DIAPH3: variants seen among roughly 807,000 people sequenced by gnomAD.
DIAPH3 encodes diaphanous related formin 3, also known as protein diaphanous homolog 3.
In DIAPH3, 117 loss-of-function variants were observed where a neutral mutation model predicts 144.3. The ratio of observed to expected loss-of-function variants is 0.81; its 90% CI spans 0.70 to 0.95. The LOEUF is 0.95. Among genes scored for constraint, DIAPH3 ranks in the 40% least tolerant of loss-of-function variants. The probability of loss-of-function intolerance (pLI) is 0.00; values close to 1 mark genes in which losing one functional copy is unlikely to be tolerated. For missense variants in DIAPH3, 1,421 were observed against 1,412.7 expected (o/e 1.01, Z -0.09); for synonymous variants, 519 against 488.9 (o/e 1.06, Z -0.81).
intron 25 of DIAPH3, among the ~76,000 whole-genome samples, chr13:59,799,160 G>C (rs2039763867): frequency 6.6e-6 from 1 of 152,090 alleles, no homozygotes; most frequent in East Asian, 1.9e-4. Context: ...AGGCAAACCA[G>C]TGATCACCTT....
intron 17 of DIAPH3, among the ~76,000 whole-genome samples, chr13:59,963,378 A>G (rs2049871586): frequency 6.6e-6 from 1 of 152,198 alleles, no homozygotes; most frequent in Non-Finnish European, 1.5e-5. Flanking sequence ...GATTTTTCTA[A>G]GAATATACTA....
At chr13:60,016,202 T>C (rs2053636617) in intron 5 of DIAPH3, 57 bp from the exon 6 acceptor site, 2 of 1,444,482 alleles carry the variant, frequency 1.4e-6, no homozygotes, top group Non-Finnish European at 1.9e-6. Context: ...TGTGTTATCA[T>C]ATTATATACC....
intron 27 of DIAPH3, among the ~76,000 whole-genome samples, chr13:59,747,771 G>T (rs2036780348): frequency 6.6e-6 from 1 of 152,108 alleles, no homozygotes; most frequent in Non-Finnish European, 1.5e-5. Flanking sequence ...CTCACTTCAG[G>T]AAGTGACTGT....
At chr13:59,871,262 T>A (rs1276335791) in intron 21 of DIAPH3, among the ~76,000 whole-genome samples, 2 of 151,990 alleles carry the variant, frequency 1.3e-5, no homozygotes, top group African/African-American at 4.8e-5. Context: ...GTTTTGTTTA[T>A]TCTGCCCCAA....
chr13:60,008,651 T>C lies in DIAPH3; in HGVS notation c.909-2A>G. The C allele has an allele frequency of 6.2e-7, 1 of 1,600,388 alleles. No individual in the cohort carries two copies. Among genetic ancestry groups the C allele is most frequent in the Non-Finnish European group, 8.6e-7 (1 of 1,167,762 alleles). On this transcript the variant is annotated splice_acceptor_variant, in intron 8 of 27. Transcript: ENST00000400324. LOFTEE classifies it high-confidence loss of function. ...AAAGCTTCTAAAACTTCTTCAAGGC[T>C]ATTGGAAAATTTGAGTCAATTAAAT...
At chr13:60,023,759 A>G (rs530354586) in intron 5 of DIAPH3, among the ~76,000 whole-genome samples, 4 of 137,370 alleles carry the variant, frequency 2.9e-5, no homozygotes, top group African/African-American at 1.1e-4. Context: ...TGACTATGAT[A>G]TGTCTGTGTG....
intron 1 of DIAPH3, among the ~76,000 whole-genome samples, chr13:60,140,552 A>C (rs892638498): frequency 2.0e-5 from 3 of 152,298 alleles, no homozygotes; most frequent in African/African-American, 7.2e-5. Flanking sequence ...TGCATATGTA[A>C]CATAATTCCA....
At chr13:59,930,582 C>T (rs900116058) in intron 17 of DIAPH3, among the ~76,000 whole-genome samples, 1 of 152,090 alleles carries the variant, frequency 6.6e-6, no homozygotes, top group East Asian at 1.9e-4. Context: ...ATAATAAGAA[C>T]AGAAAATATT....
At chr13:59,885,651 T>G (rs1214481968) in intron 20 of DIAPH3, among the ~76,000 whole-genome samples, 1 of 152,056 alleles carries the variant, frequency 6.6e-6, no homozygotes, top group African/African-American at 2.4e-5. Context: ...ACAAAAGGTA[T>G]GTCTAAATCC....
rs188270737 is a variant in DIAPH3 at position 60,062,463 on chromosome 13, C to A, written c.496-19643G>T. Among the ~76,000 whole-genome samples, 344 of 151,994 alleles carry A rather than the reference C, an allele frequency of 2.3e-3. 2 individuals are homozygous for A. The highest frequency in any genetic ancestry group is 7.6e-3 in the African/African-American group (315 of 41,474). ...AGTTTTTTTACGATTACTACTTAAA[C>A]CAGTGTTTCTGTATACTATTTCCTT... is the stretch of plus-strand genomic sequence containing the variant. On this transcript the variant is annotated intron_variant, in intron 4 of 27. Transcript: ENST00000400324.
chr13:59,774,950 A>G, intron 25 of DIAPH3, 127 bp from the exon 26 acceptor site: 2 of 752,352 alleles, frequency 2.7e-6, no homozygotes, highest in Non-Finnish European at 4.7e-6. Context: ...CTAAGCTAGC[A>G]ATTTCAAAAT....
At chr13:60,037,745 T>C (rs1426818624) in intron 5 of DIAPH3, among the ~76,000 whole-genome samples, 1 of 152,022 alleles carries the variant, frequency 6.6e-6, no homozygotes, top group Non-Finnish European at 1.5e-5. Context: ...AAACATCAGA[T>C]ATAAATTCCA....
intron 20 of DIAPH3, among the ~76,000 whole-genome samples, chr13:59,881,677 C>T (rs997199276): frequency 2.0e-5 from 3 of 151,930 alleles, no homozygotes; most frequent in African/African-American, 4.8e-5. Context: ...GTATCTGGCA[C>T]TAGGGACAGG....
chr13:60,137,554 T>C (rs1348657306), intron 1 of DIAPH3, among the ~76,000 whole-genome samples: 3 of 152,142 alleles, frequency 2.0e-5, no homozygotes, highest in East Asian at 1.9e-4. Context: ...TTTCTTTCAT[T>C]GGTTAGCATA....
intron 20 of DIAPH3, among the ~76,000 whole-genome samples, chr13:59,907,652 A>C (rs1392406203): frequency 6.6e-6 from 1 of 152,202 alleles, no homozygotes; most frequent in Non-Finnish European, 1.5e-5. Flanking sequence ...TCAGCTCTAG[A>C]ACACCTTGAG....
chr13:59,715,469 G>T (rs913278358), intron 27 of DIAPH3, among the ~76,000 whole-genome samples: 1 of 152,058 alleles, frequency 6.6e-6, no homozygotes, highest in Non-Finnish European at 1.5e-5. Context: ...CACATAACAC[G>T]CAAGCCTCTA....
intron 4 of DIAPH3, among the ~76,000 whole-genome samples, chr13:60,079,927 T>C (rs1270123389): frequency 6.6e-6 from 1 of 151,946 alleles, no homozygotes; most frequent in Non-Finnish European, 1.5e-5. Context: ...ACTTGAACTG[T>C]TAAGACTTTA....
intron 27 of DIAPH3, among the ~76,000 whole-genome samples, chr13:59,732,688 C>T (rs768742552): frequency 6.6e-6 from 1 of 151,972 alleles, no homozygotes; most frequent in Non-Finnish European, 1.5e-5. Flanking sequence ...AGCAATCTGC[C>T]CACCTAAGCC....
chr13:59,960,981 A>G (rs1239225902), intron 17 of DIAPH3, among the ~76,000 whole-genome samples: 1 of 152,228 alleles, frequency 6.6e-6, no homozygotes, highest in Non-Finnish European at 1.5e-5. Flanking sequence ...CATAAAAATG[A>G]AACTAGATAT....
Sources: gnomAD v4.1 joint callset for allele counts (sites outside exome capture counted in the v4.1 genomes callset) on GRCh38, gnomAD v4.1.1 for gene constraint, MANE v1.5 for transcripts, NCBI Gene and HGNC (gene_info 2026-07-23, HGNC 2026-07-21) for gene names.